FHIT: variants seen among roughly 807,000 people sequenced by gnomAD.
FHIT encodes fragile histidine triad diadenosine triphosphatase.
FHIT carries 19 observed loss-of-function variants against 17.9 expected under a neutral mutation model. The observed-to-expected ratio is 1.06, with a 90% CI of 0.74 to 1.56. The LOEUF (loss-of-function observed/expected upper bound fraction) is 1.56, where lower values mean the gene tolerates loss of function less well. Ranked by LOEUF, FHIT falls within the 40% of genes most tolerant of loss-of-function variation. The probability of loss-of-function intolerance (pLI) is 0.00; values close to 1 mark genes in which losing one functional copy is unlikely to be tolerated. For synonymous variants in FHIT, 81 were observed against 69.7 expected, an observed-to-expected ratio of 1.16 and a Z score of -0.81; for missense variants, 248 against 189.2, an observed-to-expected ratio of 1.31 and a Z score of -1.82.
intron 3 of FHIT, among the ~76,000 whole-genome samples, chr3:61,035,730 A>T (rs918164217): frequency 7.2e-5 from 11 of 152,204 alleles, no homozygotes; most frequent in East Asian, 1.9e-4. Flanking sequence ...ATCTCCTTTT[A>T]AAATATTATC....
chr3:59,932,066 G>A (rs1314695847), intron 7 of FHIT, among the ~76,000 whole-genome samples: 1 of 152,044 alleles, frequency 6.6e-6, no homozygotes, highest in Non-Finnish European at 1.5e-5. Context: ...TTGGCTTTGA[G>A]CTCACAAGGT....
chr3:61,203,259 G>C (rs571824373), intron 1 of FHIT, among the ~76,000 whole-genome samples: 30 of 150,594 alleles, frequency 2.0e-4, no homozygotes, highest in Admixed American at 1.5e-3. Context: ...TGAGGCAGGA[G>C]AATAGCTTGA....
intron 6 of FHIT, 69 bp downstream of exon 6, chr3:60,013,938 G>C (rs949798228): frequency 1.0e-5 from 15 of 1,492,110 alleles, no homozygotes; most frequent in Middle Eastern, 1.7e-4. Context: ...TAAGATATCA[G>C]GAGGAGCAAG....
chr3:61,030,348 G>T (rs773143495), intron 3 of FHIT, among the ~76,000 whole-genome samples: 1 of 152,146 alleles, frequency 6.6e-6, no homozygotes, highest in Non-Finnish European at 1.5e-5. Context: ...ACATTCATTC[G>T]TTCATTCAAT....
At chr3:60,162,595 G>A (rs766373533) in intron 5 of FHIT, among the ~76,000 whole-genome samples, 2 of 152,132 alleles carry the variant, frequency 1.3e-5, no homozygotes, top group African/African-American at 2.4e-5. Context: ...CCTACTGTGT[G>A]CCTGTATATA....
chr3:60,538,306 A>G (rs1253059471), intron 4 of FHIT, among the ~76,000 whole-genome samples: 2 of 152,230 alleles, frequency 1.3e-5, no homozygotes, highest in Admixed American at 6.5e-5. Context: ...AAACAAATGG[A>G]AGAACATTCT....
chr3:60,318,063 A>G (rs1709249711), intron 5 of FHIT, among the ~76,000 whole-genome samples: 1 of 152,116 alleles, frequency 6.6e-6, no homozygotes, highest in Non-Finnish European at 1.5e-5. Flanking sequence ...AAGTGCTGGG[A>G]TTACAGGCAT....
intron 4 of FHIT, among the ~76,000 whole-genome samples, chr3:60,798,474 T>TC (rs1701069248): frequency 6.6e-6 from 1 of 152,222 alleles, no homozygotes; most frequent in African/African-American, 2.4e-5. Context: ...TTAGATTTTG[T>TC]CCTTAAAAAA....
rs375187872 is a variant in FHIT at position 60,957,098 on chromosome 3, T to C, written c.-111+84949A>G. ...TAAAAATATCTTGTTCAAAATCAGA[T>C]ACTAAGCCGGGCAGAGATAATCATC... On this transcript the variant is annotated intron_variant, in intron 3 of 9. Coordinates refer to ENST00000492590, the MANE Select transcript of FHIT (RefSeq NM_002012.4). 1.5e-4 allele frequency among the ~76,000 whole-genome samples: 23 copies of C among 152,206 alleles called. No individual in the cohort carries two copies. In the East Asian group the frequency reaches 4.3e-3, roughly 28 times the overall value.
At chr3:59,801,142 C>T (rs1699977684) in intron 8 of FHIT, among the ~76,000 whole-genome samples, 1 of 152,158 alleles carries the variant, frequency 6.6e-6, no homozygotes, top group Admixed American at 6.5e-5. Flanking sequence ...ATTTATTGAG[C>T]ACTGTATGCC....
At chr3:60,428,159 C>T (rs147194655) in intron 5 of FHIT, among the ~76,000 whole-genome samples, 2 of 152,214 alleles carry the variant, frequency 1.3e-5, no homozygotes, top group African/African-American at 4.8e-5. Flanking sequence ...CTCTCAAAGT[C>T]CAATACATGT....
chr3:60,763,518 C>A (rs1699736666), intron 4 of FHIT, among the ~76,000 whole-genome samples: 1 of 152,136 alleles, frequency 6.6e-6, no homozygotes. Context: ...TATTTTGGTG[C>A]CCATTTGGCA....
At chr3:60,174,632 G>C (rs1483003141) in intron 5 of FHIT, among the ~76,000 whole-genome samples, 1 of 150,624 alleles carries the variant, frequency 6.6e-6, no homozygotes, top group African/African-American at 2.4e-5. Context: ...TTGCTTTCAA[G>C]GTCCATGCTT....
At chr3:60,637,051 G>A (rs1553684068) in intron 4 of FHIT, among the ~76,000 whole-genome samples, 3 of 152,066 alleles carry the variant, frequency 2.0e-5, no homozygotes, top group African/African-American at 7.2e-5. Context: ...GCAGCACCAG[G>A]GATAGAGAGA....
intron 5 of FHIT, among the ~76,000 whole-genome samples, chr3:60,257,897 G>A (rs1271580399): frequency 6.6e-6 from 1 of 152,034 alleles, no homozygotes; most frequent in East Asian, 1.9e-4. Context: ...CTGTCGGAGG[G>A]TCAACGGGGA....
chr3:59,948,354 A>G (rs1463620983), intron 7 of FHIT, among the ~76,000 whole-genome samples: 1 of 139,230 alleles, frequency 7.2e-6, no homozygotes, highest in Non-Finnish European at 1.5e-5. Context: ...AATACAAAAA[A>G]AAAAAAAAAA....
chr3:60,168,590 C>T (rs1034568565), intron 5 of FHIT, among the ~76,000 whole-genome samples: 2 of 152,154 alleles, frequency 1.3e-5, no homozygotes, highest in African/African-American at 4.8e-5. Context: ...GAAAATAAAA[C>T]CCAGTAATTC....
intron 3 of FHIT, among the ~76,000 whole-genome samples, chr3:60,945,641 G>A (rs1471971679): frequency 1.3e-5 from 2 of 152,112 alleles, no homozygotes; most frequent in East Asian, 1.9e-4. Flanking sequence ...TGATCCACCC[G>A]CCTCAGCCTC....
At chr3:60,947,524 G>T (rs1442595712) in intron 3 of FHIT, among the ~76,000 whole-genome samples, 1 of 152,112 alleles carries the variant, frequency 6.6e-6, no homozygotes, top group African/African-American at 2.4e-5. Flanking sequence ...AAAATATAAA[G>T]AAATTTGTTC....
Sources: gnomAD v4.1 joint callset for allele counts (sites outside exome capture counted in the v4.1 genomes callset) on GRCh38, gnomAD v4.1.1 for gene constraint, MANE v1.5 for transcripts, NCBI Gene and HGNC (gene_info 2026-07-23, HGNC 2026-07-21) for gene names.